The following NOSTRIN variants were observed in gnomAD, a reference collection of about 807,000 sequenced individuals.
The protein encoded by NOSTRIN is BM247 homolog.
NOSTRIN carries 63 observed loss-of-function variants against 59.0 expected under a neutral mutation model. The ratio of observed to expected loss-of-function variants is 1.07; its 90% confidence interval spans 0.87 to 1.32. The LOEUF (loss-of-function observed/expected upper bound fraction) is 1.32. Among genes scored for constraint, NOSTRIN ranks in the 40% most tolerant of loss-of-function variants. The pLI, the probability that NOSTRIN is intolerant of heterozygous loss-of-function variation, is 0.00. For missense variants in NOSTRIN, 512 were observed against 473.1 expected (o/e 1.08, Z -0.76); for synonymous variants, 200 against 165.4 (o/e 1.21, Z -1.61).
At chr2:168,803,338 G>A (rs1253152916) in intron 1 of NOSTRIN, among the ~76,000 whole-genome samples, 1 of 152,142 alleles carries the variant, frequency 6.6e-6, no homozygotes, top group African/African-American at 2.4e-5. Flanking sequence ...AATAAAGGGG[G>A]GGATATGTTT....
At chr2:168,792,367 T>C (rs1450374597) in intron 2 of NOSTRIN, among the ~76,000 whole-genome samples, 1 of 152,126 alleles carries the variant, frequency 6.6e-6, no homozygotes, top group Non-Finnish European at 1.5e-5. Context: ...AATTGTTTGG[T>C]GTAGTCATGT....
chr2:168,832,556 T>C (rs984113788), intron 6 of NOSTRIN, among the ~76,000 whole-genome samples: 1 of 151,932 alleles, frequency 6.6e-6, no homozygotes, highest in African/African-American at 2.4e-5. Context: ...GCAAACTTGG[T>C]GTTACTTCCA....
intron 7 of NOSTRIN, among the ~76,000 whole-genome samples, chr2:168,835,245 T>C (rs1164201936): frequency 6.6e-6 from 1 of 152,056 alleles, no homozygotes; most frequent in Non-Finnish European, 1.5e-5. Flanking sequence ...CGGCTAATTT[T>C]TTTTTGCATT....
upstream of NOSTRIN, among the ~76,000 whole-genome samples, chr2:168,796,142 T>G (rs530996611): frequency 1.3e-5 from 2 of 152,238 alleles, no homozygotes; most frequent in African/African-American, 4.8e-5. Flanking sequence ...AGTGATGTCA[T>G]GTATGGTAAA....
At chr2:168,797,285 TG>T (rs1685509877), upstream of NOSTRIN, among the ~76,000 whole-genome samples, 1 of 151,884 alleles carries the variant, frequency 6.6e-6, no homozygotes, top group Admixed American at 6.6e-5. Context: ...TTGGTAGAGA[TG>T]GGGTTTTACC....
chr2:168,814,238 C>T (rs1454595168), intron 2 of NOSTRIN, among the ~76,000 whole-genome samples: 3 of 152,174 alleles, frequency 2.0e-5, no homozygotes, highest in Admixed American at 6.5e-5. Flanking sequence ...GAGGTCACTC[C>T]CTCTTCCTAG....
chr2:168,863,749 T>TGAGAC, intron 15 of NOSTRIN: 1 of 724,484 alleles, frequency 1.4e-6, no homozygotes, highest in Non-Finnish European at 1.7e-6. Flanking sequence ...AGACTGTTGG[T>TGAGAC]GAGACATACT....
At chr2:168,855,545 T>G in intron 11 of NOSTRIN, 85 bp downstream of exon 11, 1 of 655,028 alleles carries the variant, frequency 1.5e-6, no homozygotes. Context: ...GATCTGCTTT[T>G]GCTATTTGGC....
At chr2:168,834,515 A>G (rs200813283) in intron 7 of NOSTRIN, among the ~76,000 whole-genome samples, 190 bp downstream of exon 7, 22 of 144,820 alleles carry the variant, frequency 1.5e-4, no homozygotes, top group East Asian at 2.5e-4. Flanking sequence ...GCGCACACAC[A>G]CACACACACA....
rs543838741 is a variant in NOSTRIN at position 168,862,230 on chromosome 2, C to CTGTT, written c.1384+183_1384+186dup. ...ATAATGATAATAGCTAACGCTTATT[C>CTGTT]TGTTTACTGTGTGTCAGACATTGTT... On this transcript the variant is annotated intron_variant, in intron 15 of 15. Transcript: ENST00000317647. Among the ~76,000 whole-genome samples the CTGTT allele has an allele frequency of 7.9e-5, 12 of 152,336 alleles. No homozygotes were observed. The South Asian group carries it at 2.1e-3, about 26-fold the overall frequency.
Position 168,853,890 on chromosome 2 carries a change from CGGAGTCTCGCTCTGT to C in NOSTRIN, c.856-1459_856-1445del, listed in dbSNP as rs534300440. Among the ~76,000 whole-genome samples the C allele has an allele frequency of 2.8e-3, 424 of 152,286 alleles. 1 individual carries two copies. The highest frequency in any genetic ancestry group is 4.8e-3 in the Non-Finnish European group (325 of 68,014). ...TAAAGAAATATTTATTTATTTGAGACGGAGTCTCGCTCTGTGGCCCAGGCTGGAGTGTAGTGGCAC... is the reference window on the plus strand; with the variant it reads ...TAAAGAAATATTTATTTATTTGAGACGGCCCAGGCTGGAGTGTAGTGGCAC... On this transcript the variant is annotated intron_variant, in intron 10 of 15. Coordinates refer to ENST00000317647, the MANE Select transcript of NOSTRIN (RefSeq NM_001039724.4).
At position 168,856,748 on chromosome 2, in the gene NOSTRIN, C is replaced by G. The variant is rs756226003; in HGVS notation, c.1023C>G (p.Ser341Arg). Residue 341 changes from serine (S) to arginine (R), a missense_variant, in exon 12 of 16, where the codon AGC becomes AGG. Physicochemically the swap from Ser to Arg is moderately radical, Grantham distance 110 (BLOSUM62 -1). Coordinates refer to ENST00000317647, the MANE Select transcript of NOSTRIN (RefSeq NM_001039724.4). The part of the protein sequence containing the change: ...SSTSSFSDAK[S>R]QKDTAALMDE... ...CCTCCTCCTTCTCTGATGCAAAGAG[C>G]CAGAAAGACACAGCAGCGTTAATGG... 6.2e-7 allele frequency: 1 copy of G among 1,614,084 alleles called. No individual in the cohort carries two copies. The highest frequency in any genetic ancestry group is 1.7e-5 in the Admixed American group (1 of 60,012).
chr2:168,861,812 G>A, intron 14 of NOSTRIN, 148 bp from the exon 15 acceptor site: 1 of 672,934 alleles, frequency 1.5e-6, no homozygotes, highest in East Asian at 2.7e-5. Context: ...ATCAAGGAAT[G>A]AACATTATAT....
At chr2:168,810,177 T>A (rs897317375) in intron 1 of NOSTRIN, among the ~76,000 whole-genome samples, 2 of 152,200 alleles carry the variant, frequency 1.3e-5, no homozygotes, top group Non-Finnish European at 2.9e-5. Flanking sequence ...TTACAAACTC[T>A]GCTTTAGAAA....
In NOSTRIN at chr2:168,859,489, A is replaced by G. The variant is rs1689309972; in HGVS notation, c.1054-23A>G. On this transcript the variant is annotated intron_variant, in intron 12 of 15. Coordinates refer to ENST00000317647, the MANE Select transcript of NOSTRIN (RefSeq NM_001039724.4). ...CCTCATTTACTAGAAATTTGCTCAC[A>G]TGGCCAAATGATGTATCCACAGAAC... 3 of 1,609,236 alleles carry G rather than the reference A, an allele frequency of 1.9e-6. No homozygotes were observed. In the African/African-American group the frequency reaches 4.0e-5, roughly 22 times the overall value.
At chr2:168,831,710 T>G (rs754105978) in intron 6 of NOSTRIN, among the ~76,000 whole-genome samples, 176 bp downstream of exon 6, 1 of 152,222 alleles carries the variant, frequency 6.6e-6, no homozygotes, top group Non-Finnish European at 1.5e-5. Flanking sequence ...CCAATGGAAG[T>G]GCATGGCTCT....
At chr2:168,849,990 A>G (rs1476880849) in intron 8 of NOSTRIN, among the ~76,000 whole-genome samples, 3 of 147,368 alleles carry the variant, frequency 2.0e-5, no homozygotes, top group African/African-American at 5.0e-5. Flanking sequence ...ATCTCGGCTC[A>G]CTGCAAACTT....
rs3216710 is a variant in NOSTRIN, at chr2:168,845,790, CTTT to C, written c.630+2688_630+2690del. On this transcript the variant is annotated intron_variant, in intron 8 of 15. Coordinates refer to ENST00000317647, the MANE Select transcript of NOSTRIN (RefSeq NM_001039724.4). ...AGACCTAGTTTTAGTTTTTTTCTTC[CTTT>C]TTTTTTTTTTTTTTGTTAGAATCCA... Among the ~76,000 whole-genome samples, 14 of 140,632 alleles carry C rather than the reference CTTT, an allele frequency of 1.0e-4. 1 individual carries two copies. In the East Asian group the frequency reaches 1.9e-3, roughly 19 times the overall value. The allele number at this position is 140,632 out of a possible 152,430, so 92.3% of individuals were successfully genotyped here. A position where few individuals can be genotyped will look rare whatever the true frequency, so the allele number is the denominator to read the frequency against.
upstream of NOSTRIN, among the ~76,000 whole-genome samples, chr2:168,798,383 T>C (rs2105507615): frequency 1.3e-5 from 2 of 152,312 alleles, 1 homozygote; most frequent in Middle Eastern, 6.8e-3. Flanking sequence ...TTTGGGCTCC[T>C]TTTTCTTACT....
Sources: gnomAD v4.1 joint callset for allele counts (sites outside exome capture counted in the v4.1 genomes callset) on GRCh38, gnomAD v4.1.1 for gene constraint, MANE v1.5 for transcripts, NCBI Gene and HGNC (gene_info 2026-07-23, HGNC 2026-07-21) for gene names.